The following GABBR2 variants were observed in gnomAD, a reference collection of about 807,000 sequenced individuals.
GABBR2 encodes the protein G-protein coupled receptor 51.
A neutral mutation model predicts 105.6 loss-of-function variants in GABBR2; 23 were observed. That is an observed-to-expected ratio of 0.22 (90% confidence interval 0.16 to 0.31). The LOEUF (loss-of-function observed/expected upper bound fraction) is 0.31, where lower values mean the gene tolerates loss of function less well. GABBR2 is among the 10% of genes least tolerant of loss of function. The pLI, the probability that GABBR2 is intolerant of heterozygous loss-of-function variation, is 1.00. For synonymous variants in GABBR2, 478 were observed against 499.7 expected (o/e 0.96, Z 0.58); for missense variants, 734 against 1,245.5 (o/e 0.59, Z 6.18).
intron 3 of GABBR2, among the ~76,000 whole-genome samples, chr9:98,515,795 A>C (rs2779564): frequency 0.048 from 7,308 of 152,208 alleles, 264 homozygotes; most frequent in South Asian, 0.13. Context: ...CATCCTCAAC[A>C]ATCTTACAAA....
At chr9:98,353,104 C>T (rs1214274935) in intron 13 of GABBR2, among the ~76,000 whole-genome samples, 1 of 152,130 alleles carries the variant, frequency 6.6e-6, no homozygotes, top group East Asian at 1.9e-4. Context: ...CCTGTGAGTA[C>T]TAAGGAGCTC....
chr9:98,503,335 A>G (rs1827443055), intron 3 of GABBR2, among the ~76,000 whole-genome samples: 1 of 152,218 alleles, frequency 6.6e-6, no homozygotes, highest in African/African-American at 2.4e-5. Flanking sequence ...GGGTGAGGGC[A>G]GCCCACACAG....
At chr9:98,695,199 A>C (rs1342683621) in intron 1 of GABBR2, among the ~76,000 whole-genome samples, 1 of 152,218 alleles carries the variant, frequency 6.6e-6, no homozygotes, top group Non-Finnish European at 1.5e-5. Flanking sequence ...GGTGCTCCAG[A>C]CACAGAGACC....
chr9:98,347,169 T>C (rs2131416654), intron 13 of GABBR2, among the ~76,000 whole-genome samples: 1 of 152,338 alleles, frequency 6.6e-6, no homozygotes, highest in East Asian at 1.9e-4. Flanking sequence ...TTTTCCATAA[T>C]TGTTGTACTA....
At chr9:98,641,744 T>C (rs1829965403) in intron 1 of GABBR2, among the ~76,000 whole-genome samples, 1 of 152,198 alleles carries the variant, frequency 6.6e-6, no homozygotes, top group African/African-American at 2.4e-5. Flanking sequence ...CTGTGTCTGC[T>C]TCCCCCAAAC....
chr9:98,302,919 T>A (rs899492374), intron 16 of GABBR2: 6 of 320,844 alleles, frequency 1.9e-5, no homozygotes, highest in Admixed American at 1.4e-4. Flanking sequence ...GAGACACAGA[T>A]AAAGAGACAC....
At chr9:98,294,072 C>T (rs1830344263) in intron 17 of GABBR2, among the ~76,000 whole-genome samples, 170 bp from the exon 18 acceptor site, 2 of 152,240 alleles carry the variant, frequency 1.3e-5, no homozygotes, top group East Asian at 1.9e-4. Flanking sequence ...GGGACCAAGG[C>T]GGTGAGCTGA....
intron 4 of GABBR2, among the ~76,000 whole-genome samples, chr9:98,494,105 C>T (rs1470021160): frequency 1.3e-5 from 2 of 152,118 alleles, no homozygotes; most frequent in Non-Finnish European, 2.9e-5. Flanking sequence ...CAGTGGTGAG[C>T]CACAAACTGC....
chr9:98,347,843 G>A (rs1055357493), intron 13 of GABBR2, among the ~76,000 whole-genome samples: 11 of 152,094 alleles, frequency 7.2e-5, no homozygotes, highest in Admixed American at 3.3e-4. Context: ...CAAGGGTGGC[G>A]CCAGGTGGAG....
intron 7 of GABBR2, among the ~76,000 whole-genome samples, chr9:98,407,198 A>G (rs940401797): frequency 2.0e-5 from 3 of 152,206 alleles, no homozygotes; most frequent in African/African-American, 7.2e-5. Context: ...TCTCACTGTT[A>G]TGCTTTTGTG....
Position 98,388,725 on chromosome 9 carries a change from CACTTTGGGAAACTCTG to C in GABBR2, c.1529+113_1529+128del. ...CTACAACATCCTAGCAACGGAGGAA[CACTTTGGGAAACTCTG>C]CCCTGCAGACTTCTGTGTCCCTGGG... On this transcript the variant is annotated intron_variant, in intron 10 of 18. Transcript: ENST00000259455. This position sits in a 1 kb window ranked among gnomAD's most constrained non-coding sequence, Gnocchi z 4.4. 3 of 681,434 alleles carry C rather than the reference CACTTTGGGAAACTCTG, an allele frequency of 4.4e-6. No individual in the cohort carries two copies. The highest frequency in any genetic ancestry group is 7.3e-6 in the Non-Finnish European group (3 of 408,232). 42.2% of individuals were successfully genotyped at this position (681,434 alleles called of 1,614,324 possible).
chr9:98,511,896 A>T (rs1480334425), intron 3 of GABBR2, among the ~76,000 whole-genome samples: 1 of 152,256 alleles, frequency 6.6e-6, no homozygotes, highest in Non-Finnish European at 1.5e-5. Context: ...AATCCTCCCT[A>T]ACTCATTTTA....
chr9:98,602,172 T>A (rs1829348022), intron 1 of GABBR2, among the ~76,000 whole-genome samples: 1 of 151,684 alleles, frequency 6.6e-6, no homozygotes, highest in African/African-American at 2.4e-5. Context: ...GGTTAATTTT[T>A]TTTTTTTTTA....
intron 2 of GABBR2, among the ~76,000 whole-genome samples, chr9:98,554,958 G>A (rs1266106230): frequency 1.3e-5 from 2 of 152,130 alleles, no homozygotes; most frequent in Admixed American, 6.5e-5. Flanking sequence ...TGCCACCTCC[G>A]CCCCTCCCTG....
intron 7 of GABBR2, among the ~76,000 whole-genome samples, chr9:98,435,260 T>C (rs1825882785): frequency 6.6e-6 from 1 of 152,214 alleles, no homozygotes; most frequent in Non-Finnish European, 1.5e-5. Context: ...TGCAAAATAC[T>C]GTAGAATCTA....
At chr9:98,688,959 A>T (rs1830653380) in intron 1 of GABBR2, among the ~76,000 whole-genome samples, 1 of 152,202 alleles carries the variant, frequency 6.6e-6, no homozygotes, top group African/African-American at 2.4e-5. Flanking sequence ...ACTGTCTCAG[A>T]AAAGGAAAGC....
chr9:98,339,294 A>G (rs1485682771), intron 13 of GABBR2, among the ~76,000 whole-genome samples: 1 of 151,880 alleles, frequency 6.6e-6, no homozygotes, highest in African/African-American at 2.4e-5. Flanking sequence ...CAAAAAAAAA[A>G]AAAAAAAAGA....
intron 7 of GABBR2, among the ~76,000 whole-genome samples, chr9:98,451,396 G>C (rs898481905): frequency 6.6e-6 from 1 of 152,222 alleles, no homozygotes; most frequent in African/African-American, 2.4e-5. Flanking sequence ...TCTAGGCTGT[G>C]CTACAGAAAT....
intron 1 of GABBR2, among the ~76,000 whole-genome samples, chr9:98,665,551 T>C (rs911918710): frequency 6.6e-5 from 10 of 152,132 alleles, no homozygotes; most frequent in Middle Eastern, 3.4e-3. Context: ...GCAGACCCTA[T>C]AGTACTAGAG....
Sources: allele counts gnomAD v4.1 joint callset (sites outside exome capture counted in the v4.1 genomes callset), GRCh38; gene constraint gnomAD v4.1.1; non-coding constraint Gnocchi (gnomAD v3.1); transcripts MANE v1.5; gene names NCBI Gene and HGNC (gene_info 2026-07-23, HGNC 2026-07-21).